DMXL2: variants seen among roughly 807,000 people sequenced by gnomAD.
The protein encoded by DMXL2 is dmX-like protein 2.
A neutral mutation model predicts 331.1 loss-of-function variants in DMXL2; 103 were observed. The observed-to-expected ratio is 0.31, with a 90% CI of 0.27 to 0.37. The LOEUF is 0.37. DMXL2 is among the 10% of genes least tolerant of loss of function. DMXL2 has a pLI of 1.00. For missense variants in DMXL2, 3,171 were observed against 3,642.9 expected (o/e 0.87, Z 3.33); for synonymous variants, 1,281 against 1,252.1 (o/e 1.02, Z -0.49).
At chr15:51,569,160 C>T (rs2050489080) in intron 2 of DMXL2, among the ~76,000 whole-genome samples, 1 of 152,186 alleles carries the variant, frequency 6.6e-6, no homozygotes, top group African/African-American at 2.4e-5. Context: ...GGTCCCACCC[C>T]CACGGAGCCC....
At chr15:51,545,195 CTTTA>C (rs915457502) in intron 8 of DMXL2, among the ~76,000 whole-genome samples, 1 of 151,982 alleles carries the variant, frequency 6.6e-6, no homozygotes, top group Admixed American at 6.6e-5. Context: ...AGATTTTAAT[CTTTA>C]TGAAACAAAA....
intron 7 of DMXL2, among the ~76,000 whole-genome samples, chr15:51,546,144 C>A (rs2048877809): frequency 6.6e-6 from 1 of 152,130 alleles, no homozygotes; most frequent in Admixed American, 6.6e-5. Context: ...CATCACTTTA[C>A]ATCCTCCTTC....
In DMXL2 at chr15:51,463,413, C is replaced by CTA; in HGVS notation, c.7890_7891dup (p.Arg2631IlefsTer15). The CTA allele has an allele frequency of 6.3e-7, 1 of 1,588,260 alleles. No individual in the cohort carries two copies. The highest frequency in any genetic ancestry group is 8.6e-7 in the Non-Finnish European group (1 of 1,166,904). ...CTTTCTTTTCTTAGTGAAAATATAT[C>CTA]TAATAAATGTCTCTTGAAGGACCTC... On this transcript the variant is annotated frameshift_variant, in exon 33 of 44. Coordinates refer to ENST00000560891, the MANE Select transcript of DMXL2 (RefSeq NM_001378457.1). LOFTEE classifies it high-confidence loss of function.
chr15:51,497,584 T>C (rs2043273230), intron 18 of DMXL2, among the ~76,000 whole-genome samples: 1 of 152,206 alleles, frequency 6.6e-6, no homozygotes, highest in African/African-American at 2.4e-5. Context: ...ATTAATGAAA[T>C]TCTGATCATT....
rs1448035017 is a variant in DMXL2, at chr15:51,480,845, T to C, written c.6261A>G (p.Ile2087Met). ...LEKEIAALHE[I>M]CNHESVIKEY... ...CTTTAATAACTGATTCATGATTACA[T>C]ATCTCATGCAAGGCAGCAATTTCCT... The change falls in exon 24 of 44, where the codon ATA (isoleucine) becomes ATG (methionine). Residue 2087 changes from isoleucine (I) to methionine (M), a missense_variant. By Grantham distance (10) the Ile-to-Met change is conservative. This residue lies in a region of DMXL2 where 197 missense variants were observed against 196.2 expected (regional missense o/e 1.00). Coordinates refer to ENST00000560891, the MANE Select transcript of DMXL2 (RefSeq NM_001378457.1). The C allele has an allele frequency of 6.2e-7, 1 of 1,613,106 alleles. No individual in the cohort carries two copies. Among genetic ancestry groups the C allele is most frequent in the Non-Finnish European group, 8.5e-7 (1 of 1,179,610 alleles).
At chr15:51,613,511 G>A (rs975321787) in intron 1 of DMXL2, among the ~76,000 whole-genome samples, 3 of 152,132 alleles carry the variant, frequency 2.0e-5, no homozygotes, top group Admixed American at 6.5e-5. Context: ...TATGCACAAT[G>A]TCTAGGTGCC....
intron 1 of DMXL2, among the ~76,000 whole-genome samples, chr15:51,596,855 G>A (rs898894279): frequency 1.3e-5 from 2 of 152,094 alleles, no homozygotes; most frequent in African/African-American, 4.8e-5. Flanking sequence ...CTCACTCATA[G>A]GTGGGAACTG....
chr15:51,534,978 C>G (rs1007056385), intron 13 of DMXL2, among the ~76,000 whole-genome samples: 1 of 152,116 alleles, frequency 6.6e-6, no homozygotes, highest in Non-Finnish European at 1.5e-5. Context: ...TGCTACTTAA[C>G]TTTTTATTAA....
At chr15:51,520,983 C>A (rs1448364866) in intron 13 of DMXL2, among the ~76,000 whole-genome samples, 3 of 152,092 alleles carry the variant, frequency 2.0e-5, no homozygotes, top group Admixed American at 6.5e-5. Flanking sequence ...GTTGTTTTGA[C>A]CATGCCTAAT....
At chr15:51,591,297 G>T (rs563561544) in intron 1 of DMXL2, among the ~76,000 whole-genome samples, 1 of 152,214 alleles carries the variant, frequency 6.6e-6, no homozygotes, top group South Asian at 2.1e-4. Context: ...CCCGCGCCTG[G>T]CTCGGAGGGT....
At chr15:51,569,587 G>A (rs1007646137) in intron 2 of DMXL2, among the ~76,000 whole-genome samples, 2 of 152,108 alleles carry the variant, frequency 1.3e-5, no homozygotes, top group African/African-American at 2.4e-5. Flanking sequence ...AGCTCTGCCC[G>A]GCATCTGGCG....
In DMXL2 at chr15:51,488,550, A is replaced by C; in HGVS notation, c.5049T>G (p.Phe1683Leu). The C allele has an allele frequency of 6.2e-7, 1 of 1,612,572 alleles. No homozygotes were observed. Among genetic ancestry groups the C allele is most frequent in the Non-Finnish European group, 8.5e-7 (1 of 1,179,114 alleles). ...CGTTAAGTGTCAAGGCAACTTACCT[A>C]AACAGACCCCACACTACTGCTTTCT... ...MKKKAVVWGL[F>L]RSQHDEKMTT... The change falls in exon 21 of 44, where the codon TTT becomes TTG. Residue 1683 changes from phenylalanine to leucine, a missense_variant and splice_region_variant. Physicochemically the swap from Phe to Leu is conservative, Grantham distance 22. Transcript: ENST00000560891.
chr15:51,488,080 G>A lies in DMXL2; in HGVS notation c.5091C>T (p.His1697=). 1 of 1,609,852 alleles carries A rather than the reference G, an allele frequency of 6.2e-7. No homozygotes were observed. Among genetic ancestry groups the A allele is most frequent in the Non-Finnish European group, 8.5e-7 (1 of 1,178,480 alleles). Residue 1697 remains histidine, a synonymous_variant, in exon 22 of 44, where the codon CAC becomes CAT. Transcript: ENST00000560891. ...TTCGCCATCTATCTTCATTAAAGTT[G>A]TGGCTGAAAAATGTTGTCATTTTTT... ...HDEKMTTFFS[H]NFNEDRWRKA...
intron 9 of DMXL2, among the ~76,000 whole-genome samples, chr15:51,542,006 T>G (rs1353858332): frequency 6.6e-6 from 1 of 152,142 alleles, no homozygotes; most frequent in Non-Finnish European, 1.5e-5. Flanking sequence ...ATTTAAACTG[T>G]GAAGTGAGAG....
Position 51,480,548 on chromosome 15 carries a change from T to C in DMXL2, c.6558A>G (p.Ser2186=). The C allele has an allele frequency of 6.6e-7, 1 of 1,519,028 alleles. No homozygotes were observed. Among genetic ancestry groups the C allele is most frequent in the Non-Finnish European group, 8.8e-7 (1 of 1,131,992 alleles). 94.1% of individuals were successfully genotyped at this position (1,519,028 alleles called of 1,614,324 possible). ...RMELKFLLQE[S]QQETTVKQLQ... is the part of the protein sequence containing the mutation. ...AAAAAAGTGATATTCACACCTGTTG[T>C]GATTCTTGTAGCAAAAATTTGAGTT... Residue 2186 remains serine, a synonymous_variant, in exon 24 of 44, where the codon TCA becomes TCG. Coordinates refer to ENST00000560891, the MANE Select transcript of DMXL2 (RefSeq NM_001378457.1).
chr15:51,544,289 T>A (rs1462522301), intron 8 of DMXL2, among the ~76,000 whole-genome samples: 2 of 152,128 alleles, frequency 1.3e-5, no homozygotes, highest in African/African-American at 4.8e-5. Context: ...TGAGTTCTCA[T>A]AAGATTTGGT....
chr15:51,541,737 C>T (rs1453440759), intron 9 of DMXL2, among the ~76,000 whole-genome samples: 1 of 152,152 alleles, frequency 6.6e-6, no homozygotes, highest in Non-Finnish European at 1.5e-5. Context: ...CTTTCTCCTA[C>T]ATTTCCATGT....
chr15:51,547,307 T>C lies in DMXL2; in HGVS notation c.669A>G (p.Gln223=), dbSNP rs758262028. 16 of 1,612,986 alleles carry C rather than the reference T, an allele frequency of 9.9e-6. No individual in the cohort carries two copies. Among genetic ancestry groups the C allele is most frequent in the Admixed American group, 1.7e-5 (1 of 59,850 alleles). Residue 223 remains glutamine, a synonymous_variant, in exon 7 of 44, where the codon CAA becomes CAG. Transcript: ENST00000560891. ...HEVKRRQSST[Q]FSFVYLAHPR... is the part of the protein sequence containing the mutation. ...GATGTGCCAAGTAAACAAAAGAAAA[T>C]TGAGTAGAGGACTGTCTCCTTTTTA...
chr15:51,508,150 G>C lies in DMXL2; in HGVS notation c.2645-897C>G, dbSNP rs561939569. ...AATGAGAACACATAGACACAGGGAGGGGAACATAACACATCAGGGCCTGTT... is the reference window on the plus strand; with the variant it reads ...AATGAGAACACATAGACACAGGGAGCGGAACATAACACATCAGGGCCTGTT... On this transcript the variant is annotated intron_variant, in intron 15 of 43. Coordinates refer to ENST00000560891, the MANE Select transcript of DMXL2 (RefSeq NM_001378457.1). Among the ~76,000 whole-genome samples the C allele has an allele frequency of 3.3e-5, 5 of 152,084 alleles. No individual in the cohort carries two copies. In the East Asian group the frequency reaches 9.7e-4, roughly 29 times the overall value.
Sources: gnomAD v4.1 joint callset for allele counts (sites outside exome capture counted in the v4.1 genomes callset) on GRCh38, gnomAD v4.1.1 for gene constraint, gnomAD v4.1.1 regional missense constraint, MANE v1.5 for transcripts, NCBI Gene and HGNC (gene_info 2026-07-23, HGNC 2026-07-21) for gene names.